The following CSMD1 variants were observed in gnomAD, a reference collection of about 807,000 sequenced individuals.
The protein encoded by CSMD1 is CUB and Sushi multiple domains 1.
In CSMD1, 213 loss-of-function variants were observed where a neutral mutation model predicts 417.5. The observed-to-expected ratio is 0.51, with a 90% CI of 0.46 to 0.57. CSMD1 has a LOEUF of 0.57. Ranked by LOEUF, CSMD1 falls within the 20% of genes least tolerant of loss-of-function variation. The probability of loss-of-function intolerance (pLI) is 0.00; values close to 1 mark genes in which losing one functional copy is unlikely to be tolerated. For missense variants in CSMD1, 6,923 were observed against 4,529.7 expected, an observed-to-expected ratio of 1.53 and a Z score of -15.17; for synonymous variants, 2,862 against 1,736.8, an observed-to-expected ratio of 1.65 and a Z score of -16.11.
At position 4,633,613 on chromosome 8, in the gene CSMD1, G is replaced by T. The variant is rs1802665988; in HGVS notation, c.302+3729C>A. ...CCTCTGTCACCCAGGCTGGAGTGCA[G>T]TGGCATGATCTGCACTCACTGCAAC... On this transcript the variant is annotated intron_variant, in intron 2 of 69. Transcript: ENST00000635120. Among the ~76,000 whole-genome samples, 4 of 152,022 alleles carry T rather than the reference G, an allele frequency of 2.6e-5. No individual in the cohort carries two copies. In the South Asian group the frequency reaches 6.2e-4, roughly 24 times the overall value.
At chr8:3,406,793 A>G (rs1749810706) in intron 14 of CSMD1, among the ~76,000 whole-genome samples, 1 of 152,214 alleles carries the variant, frequency 6.6e-6, no homozygotes, top group South Asian at 2.1e-4. Flanking sequence ...ACTTTATTCC[A>G]TCTACAGTGC....
At chr8:3,360,376 C>A (rs192159298) in intron 20 of CSMD1, among the ~76,000 whole-genome samples, 15 of 152,170 alleles carry the variant, frequency 9.9e-5, no homozygotes, top group Non-Finnish European at 1.9e-4. Flanking sequence ...GTAGTATGTA[C>A]GTATAATTGA....
intron 5 of CSMD1, among the ~76,000 whole-genome samples, chr8:3,842,627 TAG>T (rs1324510174): frequency 1.3e-5 from 2 of 152,132 alleles, no homozygotes; most frequent in African/African-American, 4.8e-5. Context: ...TGTTGACAGC[TAG>T]AGTTTCTATT....
At chr8:4,119,525 T>G (rs1174198096) in intron 3 of CSMD1, among the ~76,000 whole-genome samples, 3 of 152,092 alleles carry the variant, frequency 2.0e-5, no homozygotes, top group African/African-American at 7.2e-5. Flanking sequence ...GTGGGGTGCT[T>G]GGGAAATAAC....
chr8:3,631,252 C>T (rs748023601), intron 7 of CSMD1, among the ~76,000 whole-genome samples: 1 of 152,170 alleles, frequency 6.6e-6, no homozygotes, highest in Non-Finnish European at 1.5e-5. Flanking sequence ...CTGTATCCTT[C>T]GTCGACTCAG....
chr8:3,084,459 G>T (rs1360546159), intron 49 of CSMD1, among the ~76,000 whole-genome samples: 1 of 145,024 alleles, frequency 6.9e-6, no homozygotes, highest in Non-Finnish European at 1.5e-5. Context: ...GGAGGCAGAA[G>T]TTGCCGTGAG....
chr8:4,604,061 T>A (rs1350427431), intron 2 of CSMD1, among the ~76,000 whole-genome samples: 1 of 152,078 alleles, frequency 6.6e-6, no homozygotes, highest in Non-Finnish European at 1.5e-5. Context: ...GTTGTTAACT[T>A]ACTCATCAAC....
chr8:4,464,188 A>G (rs191728751), intron 2 of CSMD1, among the ~76,000 whole-genome samples: 6 of 152,258 alleles, frequency 3.9e-5, no homozygotes, highest in Non-Finnish European at 2.9e-5. Flanking sequence ...ACAGGACTCT[A>G]ATTTAGCCTT....
At chr8:3,726,849 G>A (rs1264628591) in intron 6 of CSMD1, among the ~76,000 whole-genome samples, 1 of 152,142 alleles carries the variant, frequency 6.6e-6, no homozygotes, top group Non-Finnish European at 1.5e-5. Context: ...GTAAAGCAAT[G>A]TCTCCCTGCC....
chr8:3,731,381 G>T (rs536485552), intron 6 of CSMD1, among the ~76,000 whole-genome samples: 115 of 152,302 alleles, frequency 7.6e-4, no homozygotes, highest in Non-Finnish European at 1.3e-3. Flanking sequence ...CTAATACAGG[G>T]AGAAATGTTG....
chr8:3,827,620 T>G (rs1388354553), intron 5 of CSMD1, among the ~76,000 whole-genome samples: 1 of 152,206 alleles, frequency 6.6e-6, no homozygotes, highest in African/African-American at 2.4e-5. Context: ...CATATGGAAC[T>G]AATCTTTCTA....
chr8:3,387,822 G>C, intron 17 of CSMD1, 140 bp from the exon 18 acceptor site: 3 of 679,526 alleles, frequency 4.4e-6, no homozygotes, highest in Non-Finnish European at 7.3e-6. Context: ...ACAATCCATG[G>C]ACATAAAAGC....
chr8:4,281,841 T>A (rs1585152362), intron 3 of CSMD1, among the ~76,000 whole-genome samples: 4 of 152,206 alleles, frequency 2.6e-5, no homozygotes, highest in Non-Finnish European at 5.9e-5. Context: ...AGCTGCCTCA[T>A]AAACACACCT....
intron 1 of CSMD1, among the ~76,000 whole-genome samples, chr8:4,662,996 G>T (rs1219673753): frequency 6.6e-6 from 1 of 152,198 alleles, no homozygotes; most frequent in African/African-American, 2.4e-5. Context: ...TGTGGAGAAG[G>T]CTTTTGTTTT....
At chr8:3,108,775 G>C in intron 43 of CSMD1, 27 bp from the exon 44 acceptor site, 5 of 1,586,358 alleles carry the variant, frequency 3.2e-6, no homozygotes, top group Non-Finnish European at 4.3e-6. Context: ...GAGGTGGCTG[G>C]CTAAGGATAT....
rs1047294995 is a variant in CSMD1, at chr8:4,636,032, T to C, written c.302+1310A>G. On this transcript the variant is annotated intron_variant, in intron 2 of 69. Transcript: ENST00000635120. ...TATATTAATGAATATATTTTATATT[T>C]AACCTATTAGTTATGTAGCATATAT... Among the ~76,000 whole-genome samples the C allele has an allele frequency of 3.0e-4, 46 of 152,152 alleles. 2 individuals are homozygous for C. The highest frequency in any genetic ancestry group is 2.0e-3 in the Admixed American group (31 of 15,292).
chr8:4,859,564 A>G (rs956803507), intron 1 of CSMD1, among the ~76,000 whole-genome samples: 1 of 152,120 alleles, frequency 6.6e-6, no homozygotes, highest in Non-Finnish European at 1.5e-5. Context: ...AATTTACAAG[A>G]AAAAAACAAA....
chr8:4,131,972 G>C (rs950773424), intron 3 of CSMD1, among the ~76,000 whole-genome samples: 1 of 151,822 alleles, frequency 6.6e-6, no homozygotes, highest in African/African-American at 2.4e-5. Flanking sequence ...CACCATGTTA[G>C]CCAGGATGGT....
intron 37 of CSMD1, among the ~76,000 whole-genome samples, chr8:3,178,532 T>A (rs1331187679): frequency 2.0e-5 from 3 of 152,172 alleles, no homozygotes; most frequent in African/African-American, 7.2e-5. Flanking sequence ...CGTAATAAAA[T>A]GCACTTTTCA....
Sources: gnomAD v4.1 joint callset for allele counts (sites outside exome capture counted in the v4.1 genomes callset) on GRCh38, gnomAD v4.1.1 for gene constraint, MANE v1.5 for transcripts, NCBI Gene and HGNC (gene_info 2026-07-23, HGNC 2026-07-21) for gene names.